GPR39: variants seen among roughly 807,000 people sequenced by gnomAD.
GPR39 encodes zinc sensing receptor.
In GPR39, 23 loss-of-function variants were observed where a neutral mutation model predicts 18.4. That is an observed-to-expected ratio of 1.25 (90% CI 0.90 to 1.77). The LOEUF is 1.77. GPR39 is among the 40% of genes most tolerant of loss of function. The pLI is 0.00. For missense variants in GPR39, 647 were observed against 602.4 expected (o/e 1.07, Z -0.78); for synonymous variants, 280 against 257.9 (o/e 1.09, Z -0.82).
At chr2:132,525,264 A>C (rs906275333) in intron 1 of GPR39, among the ~76,000 whole-genome samples, 1 of 152,222 alleles carries the variant, frequency 6.6e-6, no homozygotes, top group Non-Finnish European at 1.5e-5. Flanking sequence ...CTGAAGGCTC[A>C]GCTTGGCCAT....
chr2:132,570,360 T>G (rs1680421382), intron 1 of GPR39, among the ~76,000 whole-genome samples: 1 of 152,020 alleles, frequency 6.6e-6, no homozygotes, highest in African/African-American at 2.4e-5. Context: ...CACATCCCCC[T>G]CCAGCCGCAC....
chr2:132,515,348 G>A (rs12465828), intron 1 of GPR39, among the ~76,000 whole-genome samples: 2 of 152,240 alleles, frequency 1.3e-5, no homozygotes, highest in Non-Finnish European at 2.9e-5. Context: ...CCAAGGACTG[G>A]GACATTGTCT....
intron 1 of GPR39, among the ~76,000 whole-genome samples, chr2:132,519,719 C>G (rs1394705339): frequency 1.3e-5 from 2 of 152,302 alleles, no homozygotes; most frequent in Non-Finnish European, 2.9e-5. Context: ...CAGCTACAAA[C>G]TAGGCTTCTT....
chr2:132,574,225 T>C (rs894652990), intron 1 of GPR39, among the ~76,000 whole-genome samples: 12 of 152,240 alleles, frequency 7.9e-5, no homozygotes, highest in African/African-American at 2.9e-4. Flanking sequence ...AATGAATGTT[T>C]ATTCATTTTT....
At chr2:132,563,358 C>T (rs1402766490) in intron 1 of GPR39, among the ~76,000 whole-genome samples, 3 of 152,104 alleles carry the variant, frequency 2.0e-5, no homozygotes, top group Admixed American at 2.0e-4. Flanking sequence ...CCCTGAAATC[C>T]CAGCACTTTG....
At chr2:132,575,398 C>T (rs1209780991) in intron 1 of GPR39, among the ~76,000 whole-genome samples, 1 of 152,290 alleles carries the variant, frequency 6.6e-6, no homozygotes, top group South Asian at 2.1e-4. Flanking sequence ...CTCACACCTT[C>T]TACCTAGTTT....
At chr2:132,614,100 C>G (rs1681285193) in intron 1 of GPR39, among the ~76,000 whole-genome samples, 1 of 152,054 alleles carries the variant, frequency 6.6e-6, no homozygotes, top group African/African-American at 2.4e-5. Context: ...TCCCTTTGCC[C>G]AGAAGGTCCT....
intron 1 of GPR39, among the ~76,000 whole-genome samples, chr2:132,526,368 A>G (rs937000714): frequency 6.6e-5 from 10 of 152,094 alleles, no homozygotes; most frequent in Non-Finnish European, 1.5e-4. Flanking sequence ...CCTGCCTCCC[A>G]CTAAGTTTTT....
intron 1 of GPR39, among the ~76,000 whole-genome samples, chr2:132,501,171 T>C (rs928423784): frequency 2.6e-5 from 4 of 151,638 alleles, no homozygotes; most frequent in Admixed American, 6.6e-5. Flanking sequence ...TTCTGTGAGG[T>C]GTGACTTAGA....
chr2:132,521,771 A>G (rs1010869011), intron 1 of GPR39, among the ~76,000 whole-genome samples: 7 of 152,210 alleles, frequency 4.6e-5, no homozygotes, highest in Non-Finnish European at 8.8e-5. Flanking sequence ...TAGCAATAAA[A>G]GAAAACTGGC....
intron 1 of GPR39, among the ~76,000 whole-genome samples, chr2:132,463,833 C>T (rs539964015): frequency 1.5e-4 from 23 of 152,286 alleles, no homozygotes; most frequent in African/African-American, 5.1e-4. Flanking sequence ...CGTTCAACCA[C>T]GGGATGGGCA....
intron 1 of GPR39, among the ~76,000 whole-genome samples, chr2:132,420,256 T>C (rs758672364): frequency 6.6e-6 from 1 of 152,226 alleles, no homozygotes. Flanking sequence ...TTCTCTGCGG[T>C]AGGTTTTCAA....
intron 1 of GPR39, among the ~76,000 whole-genome samples, chr2:132,515,505 G>A (rs1287255581): frequency 6.6e-6 from 1 of 152,134 alleles, no homozygotes; most frequent in African/African-American, 2.4e-5. Context: ...ATGTTTATCA[G>A]GTATCAGAAT....
At chr2:132,530,252 T>A (rs541222964) in intron 1 of GPR39, among the ~76,000 whole-genome samples, 1 of 152,106 alleles carries the variant, frequency 6.6e-6, no homozygotes, top group South Asian at 2.1e-4. Context: ...AGAAAGGGTA[T>A]CAGTGATGGA....
chr2:132,466,727 A>G (rs1680933985), intron 1 of GPR39, among the ~76,000 whole-genome samples: 1 of 152,212 alleles, frequency 6.6e-6, no homozygotes, highest in Non-Finnish European at 1.5e-5. Context: ...CTTTAAGTCT[A>G]TAACATTTTA....
rs553827095 is a variant in GPR39, at chr2:132,546,315, G to A, written c.857-98786G>A. 1.4e-4 allele frequency among the ~76,000 whole-genome samples: 21 copies of A among 152,244 alleles called. No homozygotes were observed. In the South Asian group the frequency reaches 4.4e-3, roughly 32 times the overall value. On this transcript the variant is annotated intron_variant, in intron 1 of 1. Coordinates refer to ENST00000329321, the MANE Select transcript of GPR39 (RefSeq NM_001508.3). ...CCCCCAGTGAATTTTAAGAACCACT[G>A]GTTTATAACAAGAGGCCCCACAGGG...
At chr2:132,635,057 T>C (rs1681724746) in intron 1 of GPR39, among the ~76,000 whole-genome samples, 1 of 152,210 alleles carries the variant, frequency 6.6e-6, no homozygotes, top group African/African-American at 2.4e-5. Context: ...CTGGTCTTGT[T>C]TGGATGAGAA....
At chr2:132,502,542 T>G (rs1376855446) in intron 1 of GPR39, among the ~76,000 whole-genome samples, 1 of 152,212 alleles carries the variant, frequency 6.6e-6, no homozygotes, top group Non-Finnish European at 1.5e-5. Context: ...GATGACTATG[T>G]ATGTAGGCGA....
intron 1 of GPR39, among the ~76,000 whole-genome samples, chr2:132,623,360 G>A (rs1681480340): frequency 6.6e-6 from 1 of 152,162 alleles, no homozygotes; most frequent in African/African-American, 2.4e-5. Context: ...GTTGAAGGAA[G>A]ATCTGAAAAA....
Sources: allele counts gnomAD v4.1 joint callset (sites outside exome capture counted in the v4.1 genomes callset), GRCh38; gene constraint gnomAD v4.1.1; transcripts MANE v1.5; gene names NCBI Gene and HGNC (gene_info 2026-07-23, HGNC 2026-07-21).